The following ATP9B variants were observed in gnomAD, a reference collection of about 807,000 sequenced individuals.
ATP9B encodes probable phospholipid-transporting ATPase IIB.
A neutral mutation model predicts 146.1 loss-of-function variants in ATP9B; 110 were observed. The ratio of observed to expected loss-of-function variants is 0.75; its 90% CI spans 0.65 to 0.88. The LOEUF is 0.88. Among genes scored for constraint, ATP9B ranks in the 40% least tolerant of loss-of-function variants. The pLI is 0.00. For missense variants in ATP9B, 1,499 were observed against 1,496.4 expected (o/e 1.00, Z -0.03); for synonymous variants, 604 against 569.7 (o/e 1.06, Z -0.86).
chr18:79,245,576 CGG>C (rs2095938643), intron 11 of ATP9B, among the ~76,000 whole-genome samples: 2 of 140,690 alleles, frequency 1.4e-5, no homozygotes, highest in African/African-American at 5.4e-5. Flanking sequence ...ACTGACTGTG[CGG>C]AGGGCACCGC....
intron 4 of ATP9B, among the ~76,000 whole-genome samples, chr18:79,118,494 G>A (rs1428318195): frequency 2.2e-5 from 3 of 138,796 alleles, no homozygotes; most frequent in South Asian, 2.5e-4. Context: ...TCCGCCTCCC[G>A]GGTTCATGCC....
chr18:79,223,853 G>A (rs534806507), intron 11 of ATP9B, among the ~76,000 whole-genome samples: 12 of 150,848 alleles, frequency 8.0e-5, no homozygotes, highest in African/African-American at 2.7e-4. Context: ...AGCATCTGGG[G>A]CATAATGCTC....
At chr18:79,207,091 G>C (rs1419236047) in intron 10 of ATP9B, 79 bp downstream of exon 10, 2 of 1,391,758 alleles carry the variant, frequency 1.4e-6, no homozygotes. Context: ...TCCAAACAAG[G>C]GTTTCTCACA....
At chr18:79,304,948 T>C (rs926709104) in intron 14 of ATP9B, among the ~76,000 whole-genome samples, 1 of 152,244 alleles carries the variant, frequency 6.6e-6, no homozygotes, top group African/African-American at 2.4e-5. Context: ...AGCTAAGGCC[T>C]ATCAGGTTCA....
At chr18:79,155,992 G>C (rs1184523533) in intron 7 of ATP9B, among the ~76,000 whole-genome samples, 1 of 151,898 alleles carries the variant, frequency 6.6e-6, no homozygotes, top group East Asian at 1.9e-4. Context: ...TCGATCTCCT[G>C]ACCTTGTGAT....
At chr18:79,127,623 G>A (rs1211068887) in intron 5 of ATP9B, among the ~76,000 whole-genome samples, 1 of 152,138 alleles carries the variant, frequency 6.6e-6, no homozygotes, top group African/African-American at 2.4e-5. Flanking sequence ...GTGGACATTT[G>A]GGGTTGTTTC....
intron 16 of ATP9B, among the ~76,000 whole-genome samples, chr18:79,329,598 A>G (rs964126011): frequency 6.6e-6 from 1 of 152,218 alleles, no homozygotes; most frequent in African/African-American, 2.4e-5. Context: ...AACAAAAATA[A>G]CATGCCAAAG....
chr18:79,088,225 T>C (rs747375452), intron 1 of ATP9B, among the ~76,000 whole-genome samples: 13 of 152,370 alleles, frequency 8.5e-5, no homozygotes, highest in Middle Eastern at 3.4e-3. Context: ...CGCATTAAAC[T>C]TGATAGGATT....
intron 13 of ATP9B, among the ~76,000 whole-genome samples, chr18:79,290,023 CT>C (rs773381557): frequency 1.1e-4 from 16 of 152,014 alleles, no homozygotes; most frequent in East Asian, 1.9e-4. Context: ...TCTGCCCCTG[CT>C]TGGGGGGTGC....
chr18:79,143,304 A>G (rs1942312), intron 5 of ATP9B, among the ~76,000 whole-genome samples: 46,651 of 152,104 alleles, frequency 0.31, 9,204 homozygotes, highest in African/African-American at 0.57. Context: ...TTAGTAATAA[A>G]GTTTTAGATA....
chr18:79,127,116 A>G (rs1275015562), intron 5 of ATP9B, among the ~76,000 whole-genome samples: 1 of 152,220 alleles, frequency 6.6e-6, no homozygotes, highest in Non-Finnish European at 1.5e-5. Context: ...TATGTATATA[A>G]GAGGACATTT....
chr18:79,180,379 T>G (rs2095236779), intron 8 of ATP9B, among the ~76,000 whole-genome samples: 1 of 152,228 alleles, frequency 6.6e-6, no homozygotes, highest in South Asian at 2.1e-4. Flanking sequence ...CTGTTTTGTG[T>G]CATTATCATG....
intron 12 of ATP9B, among the ~76,000 whole-genome samples, chr18:79,276,485 A>G (rs2096310476): frequency 6.6e-6 from 1 of 152,252 alleles, no homozygotes; most frequent in African/African-American, 2.4e-5. Flanking sequence ...AACACGGGAA[A>G]TATCCCATTG....
intron 13 of ATP9B, among the ~76,000 whole-genome samples, chr18:79,291,046 G>A (rs115492722): frequency 0.025 from 3,736 of 152,230 alleles, 159 homozygotes; most frequent in African/African-American, 0.085. Context: ...CTCAGTCATG[G>A]ATCACATCTG....
At chr18:79,237,845 C>A (rs1365806203) in intron 11 of ATP9B, among the ~76,000 whole-genome samples, 1 of 149,490 alleles carries the variant, frequency 6.7e-6, no homozygotes, top group Admixed American at 6.7e-5. Flanking sequence ...CACATGCCAT[C>A]ATGCCTGGCT....
chr18:79,141,794 A>G (rs188967945), intron 5 of ATP9B, among the ~76,000 whole-genome samples: 1 of 152,330 alleles, frequency 6.6e-6, no homozygotes, highest in Admixed American at 6.5e-5. Context: ...CAGCTCCGTC[A>G]ACAAAGTGTT....
intron 12 of ATP9B, among the ~76,000 whole-genome samples, chr18:79,258,385 A>G (rs1045107781): frequency 2.6e-5 from 4 of 152,144 alleles, no homozygotes; most frequent in Non-Finnish European, 5.9e-5. Context: ...AGCCAAGATC[A>G]CACCACTGCA....
At chr18:79,289,121 T>C (rs549422862) in intron 13 of ATP9B, among the ~76,000 whole-genome samples, 1 of 152,256 alleles carries the variant, frequency 6.6e-6, no homozygotes, top group African/African-American at 2.4e-5. Context: ...AGGAGTATCT[T>C]TGTGGAGTTC....
rs568491821 is a variant in ATP9B, at chr18:79,145,029, C to T, written c.726+1169C>T. ...GTGACTGAAGGTGCAAGCTGCATGT[C>T]GGGGGAGCTGGCGGTGTGCAGAGTG... is the stretch of plus-strand genomic sequence containing the variant. On this transcript the variant is annotated intron_variant, in intron 6 of 29. Coordinates refer to ENST00000426216, the MANE Select transcript of ATP9B (RefSeq NM_198531.5). 4.3e-4 allele frequency: 97 copies of T among 226,078 alleles called. 2 individuals are homozygous for T. In the South Asian group the frequency reaches 4.8e-3, roughly 11 times the overall value. The allele number at this position is 226,078 out of a possible 1,614,324, so 14.0% of individuals were successfully genotyped here.
Sources: allele counts gnomAD v4.1 joint callset (sites outside exome capture counted in the v4.1 genomes callset), GRCh38; gene constraint gnomAD v4.1.1; transcripts MANE v1.5; gene names NCBI Gene and HGNC (gene_info 2026-07-23, HGNC 2026-07-21).